Variants in GLIS3 observed in about 807,000 individuals in gnomAD.
The protein encoded by GLIS3 is GLIS family zinc finger 3, also known as zinc finger protein GLIS3.
GLIS3 carries 53 observed loss-of-function variants against 78.6 expected under a neutral mutation model. The ratio of observed to expected loss-of-function variants is 0.67; its 90% CI spans 0.54 to 0.85. The LOEUF (loss-of-function observed/expected upper bound fraction) is 0.85. GLIS3 is among the 40% of genes least tolerant of loss of function. GLIS3 has a pLI of 0.00. For synonymous variants in GLIS3, 684 were observed against 509.9 expected, an observed-to-expected ratio of 1.34 and a Z score of -4.60; for missense variants, 1,703 against 1,231.1, an observed-to-expected ratio of 1.38 and a Z score of -5.74.
chr9:4,050,207 G>T (rs548088786), intron 4 of GLIS3, among the ~76,000 whole-genome samples: 4 of 152,248 alleles, frequency 2.6e-5, no homozygotes, highest in South Asian at 4.1e-4. Context: ...CAAATATCCA[G>T]CAATGATAGA....
intron 9 of GLIS3, among the ~76,000 whole-genome samples, chr9:3,837,396 G>A (rs1818419374): frequency 6.6e-6 from 1 of 152,158 alleles, no homozygotes; most frequent in Non-Finnish European, 1.5e-5. Context: ...CTTACCATAG[G>A]ATTCAGCAAT....
In GLIS3 at chr9:4,299,543, G is replaced by A. The variant is rs1259157111; in HGVS notation, c.-221C>T. The A allele has an allele frequency of 3.9e-5, 6 of 152,630 alleles. No homozygotes were observed. Among genetic ancestry groups the A allele is most frequent in the Admixed American group, 2.6e-4 (4 of 15,292 alleles). The allele number at this position is 152,630 out of a possible 1,614,324, so 9.5% of individuals were successfully genotyped here. A position where few individuals can be genotyped will look rare whatever the true frequency, so the allele number is the denominator to read the frequency against. ...TAACTTGGGGCTCCAGCCCTTCAGA[G>A]CGCTCCGCGGGCTGTGCCTCCTTCG... On this transcript the variant is annotated 5_prime_UTR_variant, in exon 1 of 11. Transcript: ENST00000381971.
the GLIS3 span, among the ~76,000 whole-genome samples, chr9:4,397,234 C>G: frequency 6.9e-6 from 1 of 145,084 alleles, no homozygotes; most frequent in Non-Finnish European, 1.5e-5. Context: ...ACCGTTTTAG[C>G]CGGGATGGTC....
At chr9:4,300,660 T>G (rs1563923313), upstream of GLIS3, among the ~76,000 whole-genome samples, 1 of 152,050 alleles carries the variant, frequency 6.6e-6, no homozygotes, top group Non-Finnish European at 1.5e-5. Flanking sequence ...GTTACGTCTA[T>G]AAAGTGGCAC....
intron 2 of GLIS3, among the ~76,000 whole-genome samples, chr9:4,247,851 C>A (rs4131278): frequency 0.37 from 56,534 of 151,956 alleles, 12,152 homozygotes; most frequent in South Asian, 0.64. Context: ...GTGATTAAAT[C>A]AAGCTAATTA....
the GLIS3 span, among the ~76,000 whole-genome samples, chr9:4,358,072 G>A: frequency 6.6e-6 from 1 of 152,042 alleles, no homozygotes; most frequent in African/African-American, 2.4e-5. Flanking sequence ...CAAGGACAAG[G>A]GCAGAACAGT....
intron 4 of GLIS3, among the ~76,000 whole-genome samples, chr9:3,987,922 A>G (rs1446333857): frequency 6.6e-6 from 1 of 152,112 alleles, no homozygotes. Flanking sequence ...GAAATAATCC[A>G]GAGAAAAACG....
chr9:4,091,906 G>T (rs2130756810), intron 4 of GLIS3, among the ~76,000 whole-genome samples: 1 of 151,914 alleles, frequency 6.6e-6, no homozygotes, highest in East Asian at 1.9e-4. Context: ...ACACAGAAAA[G>T]GTACAGTAAA....
intron 4 of GLIS3, among the ~76,000 whole-genome samples, chr9:4,067,004 C>G (rs1471263567): frequency 6.6e-6 from 1 of 152,158 alleles, no homozygotes; most frequent in Non-Finnish European, 1.5e-5. Flanking sequence ...GACATGCAGC[C>G]AGACCCTCCC....
the GLIS3 span, among the ~76,000 whole-genome samples, chr9:4,488,165 G>C: frequency 2.6e-5 from 4 of 152,040 alleles, no homozygotes; most frequent in African/African-American, 9.7e-5. Flanking sequence ...ATGTTGTCCA[G>C]GCTGGTCCTA....
At chr9:3,836,767 C>T (rs1362699957) in intron 9 of GLIS3, among the ~76,000 whole-genome samples, 1 of 152,170 alleles carries the variant, frequency 6.6e-6, no homozygotes, top group East Asian at 1.9e-4. Flanking sequence ...TGCTGTTTCC[C>T]CCAAATACTA....
chr9:4,170,948 T>C (rs549214957), intron 2 of GLIS3, among the ~76,000 whole-genome samples: 33 of 152,296 alleles, frequency 2.2e-4, no homozygotes, highest in African/African-American at 7.5e-4. Context: ...AACAATTATT[T>C]AATTAAAAAA....
At chr9:4,248,527 G>A (rs1824030719) in intron 2 of GLIS3, among the ~76,000 whole-genome samples, 1 of 152,112 alleles carries the variant, frequency 6.6e-6, no homozygotes, top group South Asian at 2.1e-4. Flanking sequence ...CTTTGCTATT[G>A]TAAATAGTGC....
At chr9:4,336,645 G>C (rs1005777544) in intron 2 of GLIS3, among the ~76,000 whole-genome samples, 2 of 152,302 alleles carry the variant, frequency 1.3e-5, no homozygotes, top group African/African-American at 4.8e-5. Context: ...GACAGAACTA[G>C]GGTTTAGACC....
At chr9:3,907,648 ACACACAC>A (rs1563837062) in intron 6 of GLIS3, among the ~76,000 whole-genome samples, 1 of 150,694 alleles carries the variant, frequency 6.6e-6, no homozygotes, top group African/African-American at 2.5e-5. Context: ...ACACACACAC[ACACACAC>A]TACTAAACAG....
At chr9:3,875,057 A>G (rs143353462) in intron 8 of GLIS3, among the ~76,000 whole-genome samples, 24 of 152,342 alleles carry the variant, frequency 1.6e-4, no homozygotes, top group African/African-American at 5.3e-4. Context: ...CTGCATTTCA[A>G]AAAGAGACTC....
At chr9:4,337,534 T>C (rs1817772103) in intron 2 of GLIS3, among the ~76,000 whole-genome samples, 1 of 152,240 alleles carries the variant, frequency 6.6e-6, no homozygotes, top group Non-Finnish European at 1.5e-5. Flanking sequence ...CAATGATGTA[T>C]ATTTCCTTTA....
chr9:3,842,444 C>T (rs1456497787), intron 9 of GLIS3, among the ~76,000 whole-genome samples: 1 of 152,108 alleles, frequency 6.6e-6, no homozygotes, highest in African/African-American at 2.4e-5. Context: ...TGCAGTCTAG[C>T]CTGGGGGTCA....
chr9:3,941,760 C>A (rs1455034079), intron 4 of GLIS3, among the ~76,000 whole-genome samples: 1 of 152,178 alleles, frequency 6.6e-6, no homozygotes, highest in Admixed American at 6.5e-5. Flanking sequence ...TTCTTTAACT[C>A]TGAGGTTGTT....
Sources: allele counts gnomAD v4.1 joint callset (sites outside exome capture counted in the v4.1 genomes callset), GRCh38; gene constraint gnomAD v4.1.1; transcripts MANE v1.5; gene names NCBI Gene and HGNC (gene_info 2026-07-23, HGNC 2026-07-21).